The following CDHR1 variants were observed in gnomAD, a reference collection of about 807,000 sequenced individuals.
CDHR1 encodes the protein cadherin related family member 1.
CDHR1 carries 61 observed loss-of-function variants against 72.1 expected under a neutral mutation model. The ratio of observed to expected loss-of-function variants is 0.85; its 90% CI spans 0.69 to 1.05. The LOEUF is 1.05. CDHR1 is among the 50% of genes least tolerant of loss of function. The probability of loss-of-function intolerance (pLI) is 0.00; values close to 1 mark genes in which losing one functional copy is unlikely to be tolerated. For missense variants in CDHR1, 1,186 were observed against 1,115.7 expected, an observed-to-expected ratio of 1.06 and a Z score of -0.90; for synonymous variants, 470 against 448.1, an observed-to-expected ratio of 1.05 and a Z score of -0.62.
In CDHR1 at chr10:84,215,047, A is replaced by T; in HGVS notation, c.*426A>T. Reference sequence around the variant, plus strand: ...TGGAGCAACACTGACTAGAATCTGGATCCTGACGCCTGCAGCTGAGAGCAG... The same window carrying T: ...TGGAGCAACACTGACTAGAATCTGGTTCCTGACGCCTGCAGCTGAGAGCAG... On this transcript the variant is annotated 3_prime_UTR_variant, in exon 17 of 17. Coordinates refer to ENST00000623527, the MANE Select transcript of CDHR1 (RefSeq NM_033100.4). 9.3e-7 allele frequency: 1 copy of T among 1,070,674 alleles called. No individual in the cohort carries two copies. The allele number at this position is 1,070,674 out of a possible 1,614,324, so 66.3% of individuals were successfully genotyped here.
chr10:84,214,508 AC>A lies in CDHR1; in HGVS notation c.2470del (p.Gln824AsnfsTer17), dbSNP rs1196540589. The part of the protein sequence containing the change: ...TVSGSLTPQP[T>X]QPPPKPKTMG... ...CTCTGGCTCTCTCACTCCGCAGCCG[AC>A]CCAACCCCCGCCAAAACCCAAAACT... On this transcript the variant is annotated frameshift_variant, in exon 17 of 17. Transcript: ENST00000623527. LOFTEE classifies it low-confidence loss of function (END_TRUNC). 2 of 1,605,190 alleles carry A rather than the reference AC, an allele frequency of 1.2e-6. No individual in the cohort carries two copies. Among genetic ancestry groups the A allele is most frequent in the South Asian group, 1.1e-5 (1 of 91,050 alleles).
Position 84,196,702 on chromosome 10 carries a change from C to G in CDHR1, c.297+52C>G, listed in dbSNP as rs566836367. ...GGGGCCACTGCCTGTAGACAGACCT[C>G]GGTGGGCTGAAGTTCCCCTGGAGCA... On this transcript the variant is annotated intron_variant, in intron 3 of 16. Transcript: ENST00000623527. The G allele has an allele frequency of 8.7e-6, 14 of 1,608,646 alleles. No individual in the cohort carries two copies. The African/African-American group carries it at 1.2e-4, about 14-fold the overall frequency.
rs1842382723 is a variant in CDHR1, at chr10:84,213,978, C to A, written c.2041-104C>A. The A allele has an allele frequency of 2.7e-6, 4 of 1,489,000 alleles. No individual in the cohort carries two copies. In the Admixed American group the frequency reaches 6.7e-5, roughly 25 times the overall value. 92.2% of individuals were successfully genotyped at this position (1,489,000 alleles called of 1,614,324 possible). On this transcript the variant is annotated intron_variant, in intron 16 of 16. Coordinates refer to ENST00000623527, the MANE Select transcript of CDHR1 (RefSeq NM_033100.4). ...CAGATTCTCAAAGGGACTCCTGACT[C>A]CAGAAAGTTTAAAAACCATTAGGCT...
At chr10:84,202,599 C>T (rs1301734260) in intron 7 of CDHR1, among the ~76,000 whole-genome samples, 4 of 152,146 alleles carry the variant, frequency 2.6e-5, no homozygotes, top group Admixed American at 6.5e-5. Context: ...ATGCTCAGTG[C>T]GGGGCCCAAG....
At chr10:84,213,017 G>A in intron 15 of CDHR1, 74 bp from the exon 16 acceptor site, 1 of 1,588,206 alleles carries the variant, frequency 6.3e-7, no homozygotes. Flanking sequence ...AGCCCCATAT[G>A]ACGTGCTGAT....
rs1219457269 is a variant in CDHR1 at position 84,216,959 on chromosome 10, T to C, written c.*2338T>C. On this transcript the variant is annotated 3_prime_UTR_variant, in exon 17 of 17. Transcript: ENST00000623527. ...TAGGCTGGAAGCTTGGGCTTGCAAG[T>C]GGATCCGGGACCGAGGGTGGTCTCT... 1 of 985,452 alleles carries C rather than the reference T, an allele frequency of 1.0e-6. No homozygotes were observed. Among genetic ancestry groups the C allele is most frequent in the East Asian group, 1.1e-4 (1 of 8,808 alleles). 61.0% of individuals were successfully genotyped at this position (985,452 alleles called of 1,614,324 possible).
chr10:84,211,932 C>T (rs967736287), intron 14 of CDHR1, among the ~76,000 whole-genome samples: 11 of 152,118 alleles, frequency 7.2e-5, no homozygotes, highest in Non-Finnish European at 1.0e-4. Context: ...GGGGAGGGGG[C>T]AGGCCATAGG....
intron 4 of CDHR1, 116 bp from the exon 5 acceptor site, chr10:84,198,916 G>GAA (rs1842073796): frequency 1.3e-6 from 1 of 794,298 alleles, no homozygotes; most frequent in Admixed American, 2.0e-5. Flanking sequence ...GAGAGAGAGA[G>GAA]AGAGAGAGAG....
At chr10:84,195,433 C>G (rs1280557185) in intron 1 of CDHR1, 61 bp from the exon 2 acceptor site, 1 of 1,474,686 alleles carries the variant, frequency 6.8e-7, no homozygotes, top group Non-Finnish European at 9.4e-7. Context: ...GTGCGAAGCT[C>G]CCTCCTGGTG....
In CDHR1 at chr10:84,211,028, G is replaced by C. The variant is rs1842320962; in HGVS notation, c.1348G>C (p.Glu450Gln). The change falls in exon 13 of 17, where the codon GAG becomes CAG. Residue 450 changes from glutamate (E) to glutamine (Q), a missense_variant. Physicochemically the swap from Glu to Gln is conservative, Grantham distance 29. Transcript: ENST00000623527. ...CCTGGCTGTTGAAGTGAACACCCCA[G>C]AGAAGTTCAGTTCCACAGCGGATGT... ...KLLAVEVNTP[E>Q]KFSSTADVVI... is the part of the protein sequence containing the mutation. 6.2e-7 allele frequency: 1 copy of C among 1,614,184 alleles called. No individual in the cohort carries two copies. Among genetic ancestry groups the C allele is most frequent in the Non-Finnish European group, 8.5e-7 (1 of 1,180,030 alleles).
chr10:84,219,032 T>C (rs1842468959), downstream of CDHR1: 1 of 737,000 alleles, frequency 1.4e-6, no homozygotes, highest in South Asian at 2.1e-5. Flanking sequence ...ATTATCCCCA[T>C]TTTACAGGTG....
intron 3 of CDHR1, among the ~76,000 whole-genome samples, chr10:84,196,898 C>T (rs1386813549): frequency 1.3e-5 from 2 of 152,190 alleles, no homozygotes; most frequent in East Asian, 3.8e-4. Flanking sequence ...GCCAGCCCTG[C>T]TAATCTTTTA....
chr10:84,217,824 G>T lies in CDHR1; in HGVS notation c.*3203G>T. On this transcript the variant is annotated 3_prime_UTR_variant, in exon 17 of 17. Transcript: ENST00000623527. ...CAGGGCAGATGCCACAGCATCTGTG[G>T]CCTGTGTAGCCGGCAGCCTGCATTT... The T allele has an allele frequency of 2.0e-6, 2 of 985,462 alleles. No homozygotes were observed. Among genetic ancestry groups the T allele is most frequent in the Non-Finnish European group, 2.4e-6 (2 of 829,962 alleles). 61.0% of individuals were successfully genotyped at this position (985,462 alleles called of 1,614,324 possible).
intron 8 of CDHR1, among the ~76,000 whole-genome samples, chr10:84,204,324 T>A (rs1261844079): frequency 1.3e-5 from 2 of 152,134 alleles, no homozygotes; most frequent in African/African-American, 4.8e-5. Context: ...AAGCAGGGGC[T>A]CAGGCTATCC....
intron 14 of CDHR1, 63 bp from the exon 15 acceptor site, chr10:84,212,116 T>C: frequency 7.2e-7 from 1 of 1,380,078 alleles, no homozygotes. Flanking sequence ...ATTGCAGGCA[T>C]GTGTATGTAT....
intron 10 of CDHR1, among the ~76,000 whole-genome samples, chr10:84,207,673 C>T (rs1458565250): frequency 6.6e-6 from 1 of 151,980 alleles, no homozygotes; most frequent in Non-Finnish European, 1.5e-5. Context: ...AAACAATACA[C>T]ATTCATATCT....
intron 7 of CDHR1, among the ~76,000 whole-genome samples, 190 bp downstream of exon 7, chr10:84,202,110 G>A (rs1842138764): frequency 6.6e-6 from 1 of 152,190 alleles, no homozygotes; most frequent in Non-Finnish European, 1.5e-5. Context: ...TCTGTGGGCT[G>A]TGGGAGGGCA....
In CDHR1 at chr10:84,218,035, G is replaced by A. The variant is rs899156026; in HGVS notation, c.*3414G>A. The A allele has an allele frequency of 2.0e-6, 2 of 985,376 alleles. No homozygotes were observed. The highest frequency in any genetic ancestry group is 3.5e-5 in the African/African-American group (2 of 57,252). The allele number at this position is 985,376 out of a possible 1,614,324, so 61.0% of individuals were successfully genotyped here. A position where few individuals can be genotyped will look rare whatever the true frequency, so the allele number is the denominator to read the frequency against. On this transcript the variant is annotated 3_prime_UTR_variant, in exon 17 of 17. Coordinates refer to ENST00000623527, the MANE Select transcript of CDHR1 (RefSeq NM_033100.4). ...TATTTTTAGGGACTGAAGGCGTTGA[G>A]GGAATCCAAGGCCAGTCCACCTGCC...
chr10:84,219,350 C>G, downstream of CDHR1: 1 of 1,528,804 alleles, frequency 6.5e-7, no homozygotes, highest in South Asian at 1.2e-5. Context: ...ACAGAAGCAA[C>G]TGAATACTTC....
Sources: allele counts gnomAD v4.1 joint callset (sites outside exome capture counted in the v4.1 genomes callset), GRCh38; gene constraint gnomAD v4.1.1; transcripts MANE v1.5; gene names NCBI Gene and HGNC (gene_info 2026-07-23, HGNC 2026-07-21).